The following RIF1 variants were observed in gnomAD, a reference collection of about 807,000 sequenced individuals.
RIF1 encodes the protein telomere-associated protein RIF1.
In RIF1, 45 loss-of-function variants were observed where a neutral mutation model predicts 247.1. The ratio of observed to expected loss-of-function variants is 0.18; its 90% confidence interval spans 0.14 to 0.23. The LOEUF is 0.23. RIF1 is among the 10% of genes least tolerant of loss of function. The pLI, the probability that RIF1 is intolerant of heterozygous loss-of-function variation, is 1.00. For missense variants in RIF1, 2,967 were observed against 2,862.5 expected, an observed-to-expected ratio of 1.04 and a Z score of -0.83; for synonymous variants, 1,087 against 978.8, an observed-to-expected ratio of 1.11 and a Z score of -2.06.
intron 32 of RIF1, 23 bp from the exon 33 acceptor site, chr2:151,468,618 C>T (rs764188669): frequency 6.2e-7 from 1 of 1,607,502 alleles, no homozygotes; most frequent in Non-Finnish European, 8.5e-7. Context: ...CTCTGTGTAA[C>T]AGCTTCTGAA....
At chr2:151,460,408 A>G (rs1695941007) in intron 26 of RIF1, among the ~76,000 whole-genome samples, 1 of 152,248 alleles carries the variant, frequency 6.6e-6, no homozygotes, top group South Asian at 2.1e-4. Context: ...CTAGTTATGA[A>G]TGACTAACAT....
In RIF1 at chr2:151,468,056, T is replaced by C. The variant is rs960752735; in HGVS notation, c.6657T>C (p.Ile2219=). The C allele has an allele frequency of 3.1e-6, 5 of 1,613,688 alleles. No individual in the cohort carries two copies. Among genetic ancestry groups the C allele is most frequent in the Non-Finnish European group, 3.4e-6 (4 of 1,179,826 alleles). Residue 2219 remains isoleucine, a synonymous_variant, in exon 31 of 36, where the codon ATT becomes ATC. Transcript: ENST00000444746. ...PIYQAGLADD[I]DRRCSIVRSH... is the part of the protein sequence containing the mutation. ...ACCAAGCAGGATTGGCAGATGACATTGATAGACGGTGCTCTATTGTTAGGT... is the reference window on the plus strand; with the variant it reads ...ACCAAGCAGGATTGGCAGATGACATCGATAGACGGTGCTCTATTGTTAGGT...
chr2:151,463,306 A>G lies in RIF1; in HGVS notation c.3786A>G (p.Leu1262=). The change falls in exon 30 of 36, where the codon CTA becomes CTG. Residue 1262 remains leucine (L), a synonymous_variant. Coordinates refer to ENST00000444746, the MANE Select transcript of RIF1 (RefSeq NM_018151.5). ...NQETMIKTDF[L]PKAKQREGTF... ...AAACCATGATTAAAACAGATTTTCT[A>G]CCAAAAGCAAAGCAAAGAGAAGGGA... 1 of 1,613,164 alleles carries G rather than the reference A, an allele frequency of 6.2e-7. No individual in the cohort carries two copies. Among genetic ancestry groups the G allele is most frequent in the South Asian group, 1.1e-5 (1 of 90,858 alleles).
chr2:151,486,989 AG>A (rs974923007), downstream of RIF1, among the ~76,000 whole-genome samples: 1 of 152,216 alleles, frequency 6.6e-6, no homozygotes, highest in African/African-American at 2.4e-5. Context: ...TTGGAAAAAA[AG>A]CTTAAAATCA....
Position 151,494,352 on chromosome 2 carries a change from C to CCCAAA in RIF1, c.*416-873_*416-869dup. ...GATAACTTTTGATTATCTTTAGGGC[C>CCCAAA]CCAAACCATTTGGGCAATTAGGTTA... On this transcript the variant is annotated intron_variant and NMD_transcript_variant, in intron 9 of 13. Coordinates refer to the RIF1 transcript ENST00000454583. 3.7e-6 allele frequency: 3 copies of CCCAAA among 811,180 alleles called. No homozygotes were observed. In the South Asian group the frequency reaches 4.8e-5, roughly 13 times the overall value. The allele number at this position is 811,180 out of a possible 1,614,324, so 50.2% of individuals were successfully genotyped here. A position where few individuals can be genotyped will look rare whatever the true frequency, so the allele number is the denominator to read the frequency against.
chr2:151,502,691 C>CATTA (rs2065642560), intron 11 of RIF1: 1 of 720,044 alleles, frequency 1.4e-6, no homozygotes, highest in South Asian at 1.7e-5. Flanking sequence ...TATTTGGTAT[C>CATTA]ATTATTTTCA....
rs116444582 is a variant in RIF1 at position 151,468,763 on chromosome 2, G to T, written c.6941+7G>T. 570 of 1,576,770 alleles carry T rather than the reference G, an allele frequency of 3.6e-4. 4 individuals are homozygous for T. The African/African-American group carries it at 7.0e-3, about 19-fold the overall frequency. On this transcript the variant is annotated splice_region_variant and intron_variant, in intron 33 of 35. Coordinates refer to ENST00000444746, the MANE Select transcript of RIF1 (RefSeq NM_018151.5). The stretch of plus-strand genomic sequence containing the variant: ...AGATTACATCAAACATGTGGTAAGT[G>T]GTTATTTAGGCTTCTTGCTTATATT...
chr2:151,440,474 TG>T (rs1202710729), intron 15 of RIF1, among the ~76,000 whole-genome samples: 1 of 152,050 alleles, frequency 6.6e-6, no homozygotes, highest in African/African-American at 2.4e-5. Context: ...GTTGGTACTT[TG>T]TTTTCAATTA....
rs558059752 is a variant in RIF1 at position 151,460,837 on chromosome 2, C to T, written c.3076-301C>T. 5.9e-5 allele frequency among the ~76,000 whole-genome samples: 9 copies of T among 152,332 alleles called. No homozygotes were observed. In the East Asian group the frequency reaches 7.7e-4, roughly 13 times the overall value. ...AACTTGAGAGCTGCAAATATACTCTCCTCCTGCCAAATCAGTTCATTTCCA... is the reference window on the plus strand; with the variant it reads ...AACTTGAGAGCTGCAAATATACTCTTCTCCTGCCAAATCAGTTCATTTCCA... On this transcript the variant is annotated intron_variant, in intron 26 of 35. Coordinates refer to ENST00000444746, the MANE Select transcript of RIF1 (RefSeq NM_018151.5).
chr2:151,463,780 A>G lies in RIF1; in HGVS notation c.4260A>G (p.Arg1420=). 1 of 1,613,922 alleles carries G rather than the reference A, an allele frequency of 6.2e-7. No homozygotes were observed. The highest frequency in any genetic ancestry group is 8.5e-7 in the Non-Finnish European group (1 of 1,179,968). Residue 1420 remains arginine, a synonymous_variant, in exon 30 of 36, where the codon CGA becomes CGG. Coordinates refer to ENST00000444746, the MANE Select transcript of RIF1 (RefSeq NM_018151.5). ...AAACCCTTAGACGGTCTTCAAGGCG[A>G]CGTTCAGAAGTAGTAGAGTCTACCA... The part of the protein sequence containing the change: ...NQKTLRRSSR[R]RSEVVESTTE...
chr2:151,487,921 A>G (rs1301050867), intron 9 of RIF1, among the ~76,000 whole-genome samples: 1 of 152,056 alleles, frequency 6.6e-6, no homozygotes, highest in African/African-American at 2.4e-5. Flanking sequence ...TAATTTTTTA[A>G]GTTTTCTGTT....
chr2:151,501,505 ACAAAT>A, intron 11 of RIF1: 2 of 1,402,498 alleles, frequency 1.4e-6, no homozygotes, highest in Middle Eastern at 1.8e-4. Context: ...AAACCAACAA[ACAAAT>A]CAACCTGGAC....
At position 151,462,984 on chromosome 2, in the gene RIF1, G is replaced by A. The variant is rs199548899; in HGVS notation, c.3464G>A (p.Cys1155Tyr). 2.5e-6 allele frequency: 4 copies of A among 1,613,950 alleles called. No individual in the cohort carries two copies. The East Asian group carries it at 6.7e-5, about 27-fold the overall frequency. The change falls in exon 30 of 36, where the codon TGT (cysteine) becomes TAT (tyrosine). Residue 1155 changes from cysteine to tyrosine, a missense_variant. Cys to Tyr is a radical substitution (Grantham distance 194, BLOSUM62 -2). Coordinates refer to ENST00000444746, the MANE Select transcript of RIF1 (RefSeq NM_018151.5). The part of the protein sequence containing the change: ...LEKSSLSNNE[C>Y]GSLDKTSPEM... ...AAGTCCTCCCTTTCGAATAATGAGT[G>A]TGGTTCTCTTGACAAAACCAGTCCA...
In RIF1 at chr2:151,475,654, C is replaced by T. The variant is rs1437471365; in HGVS notation, c.*583C>T. On this transcript the variant is annotated 3_prime_UTR_variant, in exon 36 of 36. Transcript: ENST00000444746. ...ACTTCTGGCGGTTAAAATATTAATG[C>T]AGAATTTACTAAGATTTTATTCATT... 6.5e-6 allele frequency: 1 copy of T among 153,778 alleles called. No homozygotes were observed. The highest frequency in any genetic ancestry group is 1.4e-5 in the Non-Finnish European group (1 of 68,986). 9.5% of individuals were successfully genotyped at this position (153,778 alleles called of 1,614,324 possible). A position where few individuals can be genotyped will look rare whatever the true frequency, so the allele number is the denominator to read the frequency against.
chr2:151,466,549 A>T (rs976031355), intron 30 of RIF1, among the ~76,000 whole-genome samples: 1 of 140,236 alleles, frequency 7.1e-6, no homozygotes, highest in Non-Finnish European at 1.6e-5. Context: ...ATATCTAATT[A>T]AAAAAAAAAA....
intron 4 of RIF1, among the ~76,000 whole-genome samples, chr2:151,415,369 T>C (rs1167428447): frequency 2.7e-5 from 4 of 150,046 alleles, no homozygotes; most frequent in African/African-American, 4.9e-5. Flanking sequence ...AATGTTTAGA[T>C]TATCATTACC....
At chr2:151,426,756 C>T (rs989580579) in intron 8 of RIF1, among the ~76,000 whole-genome samples, 10 of 151,780 alleles carry the variant, frequency 6.6e-5, no homozygotes, top group Non-Finnish European at 1.5e-4. Flanking sequence ...AAGTGATTCT[C>T]CTGCCTCGGC....
At chr2:151,449,811 T>C (rs576613242) in intron 20 of RIF1, among the ~76,000 whole-genome samples, 87 of 152,122 alleles carry the variant, frequency 5.7e-4, no homozygotes, top group Admixed American at 1.4e-3. Flanking sequence ...CTTTGATTAC[T>C]GCCATCAGTG....
chr2:151,459,180 GAA>G (rs1695721506), intron 25 of RIF1, among the ~76,000 whole-genome samples: 1 of 152,118 alleles, frequency 6.6e-6, no homozygotes, highest in Non-Finnish European at 1.5e-5. Context: ...TGTTGCTTTG[GAA>G]AAACTGGAAA....
Sources: gnomAD v4.1 joint callset for allele counts (sites outside exome capture counted in the v4.1 genomes callset) on GRCh38, gnomAD v4.1.1 for gene constraint, MANE v1.5 for transcripts, NCBI Gene and HGNC (gene_info 2026-07-23, HGNC 2026-07-21) for gene names.